Variants in COL4A3 observed in about 807,000 individuals in gnomAD.
COL4A3 encodes collagen type IV alpha 3 chain, also known as collagen alpha-3(IV) chain.
COL4A3 carries 135 observed loss-of-function variants against 217.4 expected under a neutral mutation model. The ratio of observed to expected loss-of-function variants is 0.62; its 90% CI spans 0.54 to 0.72. The LOEUF is 0.72. Among genes scored for constraint, COL4A3 ranks in the 30% least tolerant of loss-of-function variants. The pLI, the probability that COL4A3 is intolerant of heterozygous loss-of-function variation, is 0.00. For missense variants in COL4A3, 1,868 were observed against 2,119.9 expected (o/e 0.88, Z 2.33); for synonymous variants, 690 against 736.3 (o/e 0.94, Z 1.02).
chr2:227,252,042 C>T (rs1373719701), intron 11 of COL4A3, among the ~76,000 whole-genome samples: 1 of 122,430 alleles, frequency 8.2e-6, no homozygotes, highest in Non-Finnish European at 1.6e-5. Flanking sequence ...GCACTCCAGC[C>T]TGGGTGACAG....
intron 1 of COL4A3, among the ~76,000 whole-genome samples, chr2:227,185,951 A>T (rs2066017389): frequency 6.6e-6 from 1 of 152,228 alleles, no homozygotes; most frequent in South Asian, 2.1e-4. Flanking sequence ...CTCTCTGGGC[A>T]TCACCCTCTT....
At chr2:227,188,722 A>T (rs2066124744) in intron 1 of COL4A3, among the ~76,000 whole-genome samples, 1 of 152,222 alleles carries the variant, frequency 6.6e-6, no homozygotes, top group Non-Finnish European at 1.5e-5. Context: ...TGTATATGGT[A>T]TTATGTGTTG....
In COL4A3 at chr2:227,270,464, A is replaced by G. The variant is rs7606754; in HGVS notation, c.1576-306A>G. On this transcript the variant is annotated intron_variant, in intron 24 of 51. Transcript: ENST00000396578. ...AAATATACTTAGATCAAACTATTCA[A>G]AGAGGCTTGTTAAAATTTACCAATA... 0.69 allele frequency among the ~76,000 whole-genome samples: 104,470 copies of G among 152,080 alleles called. 36,233 individuals carry two copies. The highest frequency in any genetic ancestry group is 0.8 in the African/African-American group (33,117 of 41,504).
Position 227,290,744 on chromosome 2 carries a change from C to T in COL4A3, c.3071-3C>T. 1.2e-6 allele frequency: 2 copies of T among 1,612,812 alleles called. No individual in the cohort carries two copies. Among genetic ancestry groups the T allele is most frequent in the South Asian group, 1.1e-5 (1 of 90,976 alleles). On this transcript the variant is annotated splice_region_variant and splice_polypyrimidine_tract_variant and intron_variant, in intron 36 of 51. Transcript: ENST00000396578. The stretch of plus-strand genomic sequence containing the variant: ...TTACTCTATGTTTTCCCCCTAATTT[C>T]AGGTTCTAAAGGAAAAAGGGGAACT...
chr2:227,265,492 T>G (rs1218941893), intron 21 of COL4A3: 1 of 152,216 alleles, frequency 6.6e-6, no homozygotes, highest in East Asian at 1.9e-4. Context: ...AATTAACCAG[T>G]TTAAGAGAAG....
intron 25 of COL4A3, among the ~76,000 whole-genome samples, chr2:227,272,418 G>C (rs2071297290): frequency 6.6e-6 from 1 of 152,136 alleles, no homozygotes; most frequent in Non-Finnish European, 1.5e-5. Context: ...GGAAGGAAGA[G>C]GGCTTAAATT....
chr2:227,256,420 T>C, intron 17 of COL4A3, 24 bp downstream of exon 17: 1 of 1,600,928 alleles, frequency 6.2e-7, no homozygotes, highest in Non-Finnish European at 8.6e-7. Context: ...TAATAGCCTA[T>C]TTTAATAGGT....
At chr2:227,209,426 C>T (rs553425572) in intron 1 of COL4A3, among the ~76,000 whole-genome samples, 7 of 152,360 alleles carry the variant, frequency 4.6e-5, no homozygotes, top group East Asian at 1.9e-4. Flanking sequence ...TCTTCCCCAA[C>T]GGATTCCTTG....
At chr2:227,307,566 G>T in intron 47 of COL4A3, 144 bp from the exon 48 acceptor site, 1 of 692,918 alleles carries the variant, frequency 1.4e-6, no homozygotes, top group Non-Finnish European at 2.5e-6. Context: ...AATACTGTTT[G>T]GCCATTTTTA....
At chr2:227,283,082 A>G (rs559351150) in intron 32 of COL4A3, among the ~76,000 whole-genome samples, 1 of 152,096 alleles carries the variant, frequency 6.6e-6, no homozygotes, top group East Asian at 1.9e-4. Context: ...TTTCTTCTGG[A>G]GTCAGTTTTG....
At position 227,262,988 on chromosome 2, in the gene COL4A3, A is replaced by C. The variant is rs1224353968; in HGVS notation, c.1151-792A>C. 2.6e-5 allele frequency among the ~76,000 whole-genome samples: 4 copies of C among 152,226 alleles called. No individual in the cohort carries two copies. In the South Asian group the frequency reaches 6.2e-4, roughly 24 times the overall value. ...ATAAATACTTGGGTCAAAGATACTC[A>C]AAAATACCCTGACATGATCATTACA... is the stretch of plus-strand genomic sequence containing the variant. On this transcript the variant is annotated intron_variant, in intron 20 of 51. Transcript: ENST00000396578.
chr2:227,186,952 A>C (rs1332550342), intron 1 of COL4A3, among the ~76,000 whole-genome samples: 1 of 152,154 alleles, frequency 6.6e-6, no homozygotes, highest in Non-Finnish European at 1.5e-5. Context: ...TGGTGGAAGG[A>C]GTGAGCAAAT....
chr2:227,218,510 T>TA (rs2067624908), intron 1 of COL4A3, among the ~76,000 whole-genome samples: 1 of 152,118 alleles, frequency 6.6e-6, no homozygotes, highest in Admixed American at 6.5e-5. Context: ...CTGCATTTTT[T>TA]ATTAGGATAT....
At chr2:227,188,961 A>G (rs1378558423) in intron 1 of COL4A3, among the ~76,000 whole-genome samples, 6 of 152,328 alleles carry the variant, frequency 3.9e-5, no homozygotes, top group African/African-American at 1.4e-4. Flanking sequence ...AGGAGCATAT[A>G]GAAGGGTGTC....
chr2:227,236,745 C>A (rs1319764282), intron 1 of COL4A3, among the ~76,000 whole-genome samples: 1 of 151,310 alleles, frequency 6.6e-6, no homozygotes, highest in Admixed American at 6.6e-5. Flanking sequence ...CTGCAACCTC[C>A]ACCTCCTGGG....
intron 1 of COL4A3, among the ~76,000 whole-genome samples, chr2:227,211,861 T>C (rs2067336566): frequency 6.6e-6 from 1 of 152,132 alleles, no homozygotes; most frequent in South Asian, 2.1e-4. Context: ...TTTCACCATG[T>C]TGACCAGGCT....
chr2:227,253,646 T>C lies in COL4A3; in HGVS notation c.765+8T>C, dbSNP rs758131428. The C allele has an allele frequency of 1.2e-6, 2 of 1,610,970 alleles. No individual in the cohort carries two copies. The highest frequency in any genetic ancestry group is 8.5e-7 in the Non-Finnish European group (1 of 1,177,210). On this transcript the variant is annotated splice_region_variant and intron_variant, in intron 13 of 51. Coordinates refer to ENST00000396578, the MANE Select transcript of COL4A3 (RefSeq NM_000091.5). This position sits in a 1 kb window ranked among gnomAD's most constrained non-coding sequence, Gnocchi z 4.4. ...GGCCCAGATAACAGAACGGTAACTC[T>C]GCGATTTTATGATTAGTGTTGTGCC...
At chr2:227,283,339 C>A (rs2106168923) in intron 32 of COL4A3, among the ~76,000 whole-genome samples, 1 of 152,336 alleles carries the variant, frequency 6.6e-6, no homozygotes, top group Middle Eastern at 3.4e-3. Flanking sequence ...CACATGCCAG[C>A]ATTCTTCTAG....
chr2:227,300,403 A>T (rs2073227942), intron 43 of COL4A3, among the ~76,000 whole-genome samples: 1 of 152,010 alleles, frequency 6.6e-6, no homozygotes, highest in African/African-American at 2.4e-5. Flanking sequence ...TAAGTGTAGA[A>T]CTTTTACATT....
Sources: gnomAD v4.1 joint callset for allele counts (sites outside exome capture counted in the v4.1 genomes callset) on GRCh38, gnomAD v4.1.1 for gene constraint, Gnocchi (gnomAD v3.1) non-coding constraint, MANE v1.5 for transcripts, NCBI Gene and HGNC (gene_info 2026-07-23, HGNC 2026-07-21) for gene names.